The following ZDHHC11 variants were observed in gnomAD, a reference collection of about 807,000 sequenced individuals.
The protein encoded by ZDHHC11 is zDHHC palmitoyltransferase 11, also known as palmitoyltransferase ZDHHC11.
Under a neutral mutation model 51.3 loss-of-function variants are expected in ZDHHC11, and 44 were observed. The observed-to-expected ratio is 0.86, with a 90% CI of 0.67 to 1.10. The LOEUF (loss-of-function observed/expected upper bound fraction) is 1.10. Ranked by LOEUF, ZDHHC11 falls within the 50% of genes least tolerant of loss-of-function variation. The pLI, the probability that ZDHHC11 is intolerant of heterozygous loss-of-function variation, is 0.00. For missense variants in ZDHHC11, 400 were observed against 537.7 expected, an observed-to-expected ratio of 0.74 and a Z score of 2.53; for synonymous variants, 163 against 222.0, an observed-to-expected ratio of 0.73 and a Z score of 2.36.
At chr5:845,693 G>GCT (rs1253259182) in intron 3 of ZDHHC11, among the ~76,000 whole-genome samples, 2 of 151,968 alleles carry the variant, frequency 1.3e-5, no homozygotes, top group Non-Finnish European at 2.9e-5. Flanking sequence ...TCTGCCATCA[G>GCT]CTCCTCAACT....
At chr5:846,532 A>T (rs1424267883) in intron 3 of ZDHHC11, among the ~76,000 whole-genome samples, 3 of 146,862 alleles carry the variant, frequency 2.0e-5, no homozygotes, top group African/African-American at 7.8e-5. Context: ...CACCGTGCTC[A>T]GGGGAAACAC....
Position 837,424 on chromosome 5 carries a change from A to T in ZDHHC11, c.841T>A (p.Ser281Thr). The T allele has an allele frequency of 6.2e-7, 1 of 1,612,992 alleles. No individual in the cohort carries two copies. Among genetic ancestry groups the T allele is most frequent in the Non-Finnish European group, 8.5e-7 (1 of 1,179,256 alleles). Residue 281 changes from serine to threonine, a missense_variant, in exon 6 of 13, where the codon TCA becomes ACA. Coordinates refer to ENST00000283441, the MANE Select transcript of ZDHHC11 (RefSeq NM_024786.3). ...TCTTTCCTCACTGCTTGATGTTTTGAACTCTCTTCTTTGCGGTTATTAATG... is the reference window on the plus strand; with the variant it reads ...TCTTTCCTCACTGCTTGATGTTTTGTACTCTCTTCTTTGCGGTTATTAATG... ...YLINNRKEESSKHQAVRKDPY... is the reference protein window; with the variant it reads ...YLINNRKEESTKHQAVRKDPY...
chr5:840,567 T>A lies in ZDHHC11; in HGVS notation c.712A>T (p.Met238Leu). The A allele has an allele frequency of 6.2e-7, 1 of 1,613,872 alleles. No individual in the cohort carries two copies. The highest frequency in any genetic ancestry group is 8.5e-7 in the Non-Finnish European group (1 of 1,179,872). ...AGAAAGTCCAGCAGGAGCACGAGCA[T>A]CCCGATGATCACGACTATCAGGGTC... ...VQTLIVVIIG[M>L]LVLLLDFLGL... The change falls in exon 5 of 13, where the codon ATG becomes TTG. Residue 238 changes from methionine to leucine, a missense_variant. By Grantham distance (15) the Met-to-Leu change is conservative (BLOSUM62 2). Coordinates refer to ENST00000283441, the MANE Select transcript of ZDHHC11 (RefSeq NM_024786.3).
rs1005846605 is a variant in ZDHHC11, at chr5:850,431, C to T, written c.172G>A (p.Gly58Arg). Residue 58 changes from glycine (G) to arginine (R), a missense_variant, in exon 1 of 13, where the codon GGG becomes AGG. Around this residue, in one of 5 missense-constraint regions of ZDHHC11, gnomAD observed 119 missense variants for 99.6 expected, o/e 1.20. Transcript: ENST00000283441. ...TGAGGCAGGAAGGGAATGAAGATCC[C>T]GAAGGTGGCCGAGGAAAGGCCCACG... ...VFVGLSSATFGIFIPFLPHAW... is the reference protein window; with the variant it reads ...VFVGLSSATFRIFIPFLPHAW... The T allele has an allele frequency of 1.2e-6, 2 of 1,613,496 alleles. No homozygotes were observed. Among genetic ancestry groups the T allele is most frequent in the East Asian group, 2.2e-5 (1 of 44,888 alleles).
chr5:840,695 G>T, intron 4 of ZDHHC11, 45 bp from the exon 5 acceptor site: 1 of 1,610,854 alleles, frequency 6.2e-7, no homozygotes, highest in Non-Finnish European at 8.5e-7. Flanking sequence ...CCTGCTGACG[G>T]GTGCCACATC....
chr5:798,990 G>A (rs2150272385), intron 12 of ZDHHC11, among the ~76,000 whole-genome samples: 1 of 152,048 alleles, frequency 6.6e-6, no homozygotes, highest in South Asian at 2.1e-4. Flanking sequence ...AACACACTGA[G>A]CCATCTTGTT....
At chr5:814,499 A>G (rs1490197930) in intron 11 of ZDHHC11, among the ~76,000 whole-genome samples, 2 of 151,492 alleles carry the variant, frequency 1.3e-5, no homozygotes, top group African/African-American at 4.8e-5. Flanking sequence ...ACACGTGTTT[A>G]AAGAAAGAAA....
chr5:834,963 G>C (rs1743628962), intron 6 of ZDHHC11, among the ~76,000 whole-genome samples: 1 of 151,922 alleles, frequency 6.6e-6, no homozygotes, highest in Non-Finnish European at 1.5e-5. Flanking sequence ...TCTCTCATGT[G>C]TGCCTGTATT....
At chr5:806,072 G>A (rs556689108) in intron 11 of ZDHHC11, among the ~76,000 whole-genome samples, 1 of 151,428 alleles carries the variant, frequency 6.6e-6, no homozygotes, top group Admixed American at 6.6e-5. Flanking sequence ...TGCTGGAAAG[G>A]AAAGAGTGGG....
chr5:859,235 G>A (rs73730981), upstream of ZDHHC11, among the ~76,000 whole-genome samples: 5,698 of 152,078 alleles, frequency 0.037, 338 homozygotes, highest in African/African-American at 0.13. Context: ...CCTGCTTGTC[G>A]GCCTCCCCCT....
At chr5:813,251 C>G (rs1740323756) in intron 11 of ZDHHC11, among the ~76,000 whole-genome samples, 1 of 141,914 alleles carries the variant, frequency 7.0e-6, no homozygotes, top group South Asian at 2.3e-4. Context: ...TTGCAAGAAT[C>G]CAAGTGGCAA....
At chr5:847,417 T>C in intron 3 of ZDHHC11, 97 bp downstream of exon 3, 1 of 1,544,314 alleles carries the variant, frequency 6.5e-7, no homozygotes, top group South Asian at 1.1e-5. Flanking sequence ...AAGAGGACCC[T>C]CCACCCTTTC....
chr5:825,372 A>G (rs1414374659), intron 7 of ZDHHC11, 121 bp from the exon 8 acceptor site: 1 of 1,012,726 alleles, frequency 9.9e-7, no homozygotes, highest in Admixed American at 1.9e-5. Flanking sequence ...TGTCTCAGAA[A>G]CTTGTAGACC....
intron 11 of ZDHHC11, among the ~76,000 whole-genome samples, chr5:809,340 C>T (rs865821967): frequency 0.027 from 3,764 of 141,236 alleles, 58 homozygotes; most frequent in African/African-American, 0.099. Context: ...GAGCCTGTGT[C>T]CCCAGATTCA....
rs375287151 is a variant in ZDHHC11 at position 825,149 on chromosome 5, G to T, written c.1023+15C>A. On this transcript the variant is annotated intron_variant, in intron 8 of 12. Coordinates refer to ENST00000283441, the MANE Select transcript of ZDHHC11 (RefSeq NM_024786.3). ...GCCCTGACCTCGGGGTGCATCGCTG[G>T]TGACTGCAACTTACCCGTGCCGTCG... 6.2e-7 allele frequency: 1 copy of T among 1,607,890 alleles called. No homozygotes were observed. The highest frequency in any genetic ancestry group is 1.3e-5 in the African/African-American group (1 of 74,712).
intron 2 of ZDHHC11, 32 bp downstream of exon 2, chr5:848,450 A>G: frequency 8.8e-7 from 1 of 1,140,240 alleles, no homozygotes; most frequent in South Asian, 1.6e-5. Context: ...TGACCCTGAC[A>G]CCTTGGGGCC....
chr5:798,941 G>A (rs1281534845), intron 12 of ZDHHC11, among the ~76,000 whole-genome samples: 1 of 152,168 alleles, frequency 6.6e-6, no homozygotes, highest in African/African-American at 2.4e-5. Context: ...TGCAACTTCA[G>A]CAGACAAGCT....
chr5:845,515 G>T (rs1183715879), intron 3 of ZDHHC11, among the ~76,000 whole-genome samples: 1 of 152,024 alleles, frequency 6.6e-6, no homozygotes, highest in Non-Finnish European at 1.5e-5. Context: ...TGCAGAGTCC[G>T]AGGCCAGCGC....
At chr5:850,351 G>A (rs760547895) in intron 1 of ZDHHC11, 30 bp downstream of exon 1, 108 of 1,608,272 alleles carry the variant, frequency 6.7e-5, no homozygotes, top group South Asian at 1.3e-4. Flanking sequence ...AACCCCTCCC[G>A]CTTAGACCAT....
Sources: gnomAD v4.1 joint callset for allele counts (sites outside exome capture counted in the v4.1 genomes callset) on GRCh38, gnomAD v4.1.1 for gene constraint, gnomAD v4.1.1 regional missense constraint, MANE v1.5 for transcripts, NCBI Gene and HGNC (gene_info 2026-07-23, HGNC 2026-07-21) for gene names.